Variants in COLEC10 observed in about 807,000 individuals in gnomAD.
The protein encoded by COLEC10 is collectin subfamily member 10, also known as collectin-10.
COLEC10 carries 22 observed loss-of-function variants against 28.4 expected under a neutral mutation model. That is an observed-to-expected ratio of 0.78 (90% CI 0.55 to 1.11). The LOEUF is 1.11. Ranked by LOEUF, COLEC10 falls within the 50% of genes least tolerant of loss-of-function variation. The pLI is 0.00. For missense variants in COLEC10, 361 were observed against 344.1 expected, an observed-to-expected ratio of 1.05 and a Z score of -0.39; for synonymous variants, 125 against 116.1, an observed-to-expected ratio of 1.08 and a Z score of -0.49.
intron 1 of COLEC10, among the ~76,000 whole-genome samples, chr8:119,078,280 T>C (rs1815295484): frequency 1.3e-5 from 2 of 152,176 alleles, no homozygotes; most frequent in African/African-American, 2.4e-5. Context: ...GCAGAAGTTG[T>C]GAGATTGTTT....
intron 1 of COLEC10, among the ~76,000 whole-genome samples, chr8:118,995,845 A>G (rs766180627): frequency 1.3e-4 from 20 of 148,300 alleles, no homozygotes; most frequent in Non-Finnish European, 2.1e-4. Flanking sequence ...AAACTTGGAT[A>G]TAGGTAGCTC....
At chr8:118,961,208 C>T in the COLEC10 span, among the ~76,000 whole-genome samples, 1 of 152,054 alleles carries the variant, frequency 6.6e-6, no homozygotes, top group South Asian at 2.1e-4. Flanking sequence ...AGTGACCAGT[C>T]CAAGGTGAGA....
intron 2 of COLEC10, among the ~76,000 whole-genome samples, chr8:119,030,300 C>A (rs546689349): frequency 1.3e-5 from 2 of 152,214 alleles, no homozygotes; most frequent in East Asian, 3.9e-4. Flanking sequence ...TAGTATATCA[C>A]TAATATTTCA....
chr8:119,046,218 G>A (rs1232882211), intron 2 of COLEC10, among the ~76,000 whole-genome samples: 2 of 152,016 alleles, frequency 1.3e-5, no homozygotes, highest in African/African-American at 4.8e-5. Context: ...TAGCACCACT[G>A]TCTGTCTCCA....
chr8:118,991,489 A>G (rs1813505737), upstream of COLEC10, among the ~76,000 whole-genome samples: 4 of 152,158 alleles, frequency 2.6e-5, no homozygotes, highest in Admixed American at 2.6e-4. Flanking sequence ...TGAAACCTAC[A>G]GAGGGAAAGT....
the COLEC10 span, among the ~76,000 whole-genome samples, chr8:118,967,740 T>G: frequency 2.6e-4 from 39 of 152,216 alleles, no homozygotes; most frequent in East Asian, 7.5e-3. Flanking sequence ...CTGGAACATT[T>G]AGAAACCTAA....
the COLEC10 span, among the ~76,000 whole-genome samples, chr8:118,954,801 A>G: frequency 6.6e-6 from 1 of 152,204 alleles, no homozygotes; most frequent in South Asian, 2.1e-4. Flanking sequence ...ATGGTGCCTG[A>G]ATATTAGGAG....
the COLEC10 span, among the ~76,000 whole-genome samples, chr8:118,957,936 G>A: frequency 6.6e-6 from 1 of 152,196 alleles, no homozygotes; most frequent in South Asian, 2.1e-4. Flanking sequence ...TCCCAGTGAA[G>A]TCAATTGCCT....
At chr8:119,022,270 A>G (rs1685863699) in intron 2 of COLEC10, among the ~76,000 whole-genome samples, 1 of 152,180 alleles carries the variant, frequency 6.6e-6, no homozygotes, top group Admixed American at 6.6e-5. Flanking sequence ...AGGGCAAAAT[A>G]GAAAACAAAG....
Position 119,084,076 on chromosome 8 carries a change from T to C in COLEC10, c.149-5604T>C, listed in dbSNP as rs375345645. On this transcript the variant is annotated intron_variant, in intron 1 of 5. Coordinates refer to ENST00000332843, the MANE Select transcript of COLEC10 (RefSeq NM_006438.5). ...CTTTTTATGTTTTTATTAAAAGACA[T>C]ACAAAGAAAGCTTCCCCTAAATTTC... is the stretch of plus-strand genomic sequence containing the variant. Among the ~76,000 whole-genome samples the C allele has an allele frequency of 3.9e-5, 6 of 152,272 alleles. No homozygotes were observed. The East Asian group carries it at 1.2e-3, about 29-fold the overall frequency.
At chr8:118,998,846 CAAAA>C (rs567463648) in intron 1 of COLEC10, among the ~76,000 whole-genome samples, 4 of 76,640 alleles carry the variant, frequency 5.2e-5, no homozygotes, top group African/African-American at 1.6e-4. Context: ...GACTCCGTCT[CAAAA>C]AAAAAAAAAA....
chr8:119,107,222 C>T lies in COLEC10; in HGVS notation c.*1031C>T, dbSNP rs1004587992. Among the ~76,000 whole-genome samples, 4 of 152,062 alleles carry T rather than the reference C, an allele frequency of 2.6e-5. No homozygotes were observed. Among genetic ancestry groups the T allele is most frequent in the Non-Finnish European group, 4.4e-5 (3 of 67,998 alleles). On this transcript the variant is annotated 3_prime_UTR_variant, in exon 6 of 6. Coordinates refer to ENST00000332843, the MANE Select transcript of COLEC10 (RefSeq NM_006438.5). The stretch of plus-strand genomic sequence containing the variant: ...CTAATGGTGACATTTCATGGGAGGC[C>T]TTTTACTCTTCATAAATATATGTCA...
chr8:119,046,338 A>G (rs1157190070), intron 2 of COLEC10, among the ~76,000 whole-genome samples: 1 of 151,970 alleles, frequency 6.6e-6, no homozygotes, highest in East Asian at 1.9e-4. Flanking sequence ...AACGTGTGTC[A>G]CTCATCTTTG....
intron 2 of COLEC10, among the ~76,000 whole-genome samples, chr8:119,032,134 A>G (rs1270129165): frequency 6.6e-6 from 1 of 152,202 alleles, no homozygotes; most frequent in Non-Finnish European, 1.5e-5. Flanking sequence ...AGAACAGAGT[A>G]TTGGAAATCC....
chr8:119,089,544 T>G, intron 1 of COLEC10, 136 bp from the exon 2 acceptor site: 2 of 644,992 alleles, frequency 3.1e-6, no homozygotes, highest in East Asian at 2.8e-5. Flanking sequence ...TGAACATACA[T>G]CCATACTCAC....
chr8:119,089,938 CAT>C (rs1815556045), intron 2 of COLEC10, among the ~76,000 whole-genome samples, 187 bp downstream of exon 2: 1 of 152,208 alleles, frequency 6.6e-6, no homozygotes, highest in Non-Finnish European at 1.5e-5. Flanking sequence ...ACAAGACTCT[CAT>C]ATGTTTCTCA....
intron 1 of COLEC10, among the ~76,000 whole-genome samples, chr8:119,076,501 G>C (rs1815240844): frequency 6.6e-6 from 1 of 152,138 alleles, no homozygotes; most frequent in South Asian, 2.1e-4. Flanking sequence ...GACCTCAGGT[G>C]ATCCACCCGC....
At chr8:119,086,221 A>C (rs1815478855) in intron 1 of COLEC10, among the ~76,000 whole-genome samples, 1 of 152,182 alleles carries the variant, frequency 6.6e-6, no homozygotes, top group Non-Finnish European at 1.5e-5. Flanking sequence ...GGGTGTGAGC[A>C]AAGCAAATAA....
At chr8:119,002,636 G>A (rs1586991787) in intron 1 of COLEC10, among the ~76,000 whole-genome samples, 1 of 152,038 alleles carries the variant, frequency 6.6e-6, no homozygotes, top group Admixed American at 6.6e-5. Context: ...TACAATACTT[G>A]GGTGTTCTAT....
Sources: allele counts gnomAD v4.1 joint callset (sites outside exome capture counted in the v4.1 genomes callset), GRCh38; gene constraint gnomAD v4.1.1; transcripts MANE v1.5; gene names NCBI Gene and HGNC (gene_info 2026-07-23, HGNC 2026-07-21).